PAPPA2: variants seen among roughly 807,000 people sequenced by gnomAD.
PAPPA2 encodes pappalysin-2.
Under a neutral mutation model 176.4 loss-of-function variants are expected in PAPPA2, and 86 were observed. The observed-to-expected ratio is 0.49, with a 90% CI of 0.41 to 0.58. The LOEUF (loss-of-function observed/expected upper bound fraction) is 0.58, where lower values mean the gene tolerates loss of function less well. Among genes scored for constraint, PAPPA2 ranks in the 20% least tolerant of loss-of-function variants. PAPPA2 has a pLI of 0.00. For synonymous variants in PAPPA2, 809 were observed against 852.2 expected, an observed-to-expected ratio of 0.95 and a Z score of 0.88; for missense variants, 2,073 against 2,256.9, an observed-to-expected ratio of 0.92 and a Z score of 1.65.
chr1:176,524,432 A>G (rs995289245), intron 1 of PAPPA2, among the ~76,000 whole-genome samples: 13 of 152,222 alleles, frequency 8.5e-5, no homozygotes, highest in Non-Finnish European at 1.5e-5. Context: ...TTAAATTTTC[A>G]AAGAAAACAG....
At chr1:176,808,567 T>G (rs905397104) in intron 21 of PAPPA2, among the ~76,000 whole-genome samples, 1 of 152,344 alleles carries the variant, frequency 6.6e-6, no homozygotes, top group South Asian at 2.1e-4. Context: ...TATAGTTATT[T>G]TTTTTAAATT....
At chr1:176,636,912 A>G (rs1041088309) in intron 3 of PAPPA2, among the ~76,000 whole-genome samples, 1 of 152,186 alleles carries the variant, frequency 6.6e-6, no homozygotes, top group East Asian at 1.9e-4. Context: ...GGGAATAGAT[A>G]AAATAGAAAT....
chr1:176,771,046 T>A lies in PAPPA2; in HGVS notation c.4581T>A (p.Ala1527=). Residue 1527 remains alanine (A), a synonymous_variant, in exon 17 of 23, where the codon GCT becomes GCA. Transcript: ENST00000367662. ...PEVYCKLECD[A]PPIILNANLL... is the part of the protein sequence containing the mutation. ...TCTACTGCAAGTTGGAGTGTGATGC[T>A]CCCCCTATTATTCTGAATGCCAACT... 1 of 1,613,990 alleles carries A rather than the reference T, an allele frequency of 6.2e-7. No homozygotes were observed. The highest frequency in any genetic ancestry group is 8.5e-7 in the Non-Finnish European group (1 of 1,179,992).
chr1:176,593,661 T>C (rs1653788520), intron 2 of PAPPA2, among the ~76,000 whole-genome samples: 2 of 152,206 alleles, frequency 1.3e-5, no homozygotes, highest in South Asian at 4.1e-4. Flanking sequence ...GATCTAGCTG[T>C]TTATGGGTGT....
chr1:176,485,577 T>TA (rs1489069934), intron 1 of PAPPA2, among the ~76,000 whole-genome samples: 1 of 152,146 alleles, frequency 6.6e-6, no homozygotes, highest in African/African-American at 2.4e-5. Flanking sequence ...TCATAGCACT[T>TA]ACCACTCCTG....
chr1:176,712,784 C>T (rs755795820), intron 12 of PAPPA2, among the ~76,000 whole-genome samples: 10 of 152,172 alleles, frequency 6.6e-5, no homozygotes, highest in African/African-American at 9.7e-5. Context: ...CTAATGTATA[C>T]TCCCACCAGA....
chr1:176,647,338 A>C (rs894810788), intron 3 of PAPPA2, among the ~76,000 whole-genome samples: 32 of 151,724 alleles, frequency 2.1e-4, no homozygotes, highest in African/African-American at 7.7e-4. Flanking sequence ...GTAGTTTGCA[A>C]ATATTTTCTC....
At chr1:176,481,379 C>T (rs1437321745) in intron 1 of PAPPA2, among the ~76,000 whole-genome samples, 2 of 151,722 alleles carry the variant, frequency 1.3e-5, no homozygotes, top group Admixed American at 6.6e-5. Context: ...TGGAGTGATG[C>T]CGTGTGGCAG....
chr1:176,734,497 T>TA (rs1481376845), intron 12 of PAPPA2, among the ~76,000 whole-genome samples: 2 of 152,044 alleles, frequency 1.3e-5, no homozygotes, highest in East Asian at 3.9e-4. Flanking sequence ...GTTTTAGCCA[T>TA]ACAAAGGTGG....
At chr1:176,606,416 G>A (rs1654614557) in intron 3 of PAPPA2, among the ~76,000 whole-genome samples, 2 of 152,102 alleles carry the variant, frequency 1.3e-5, no homozygotes, top group Non-Finnish European at 2.9e-5. Context: ...ATGAGGGCAA[G>A]GAAAGGAAAA....
chr1:176,788,130 G>A (rs573885121), intron 17 of PAPPA2, among the ~76,000 whole-genome samples: 6 of 152,200 alleles, frequency 3.9e-5, no homozygotes, highest in East Asian at 3.9e-4. Context: ...TGGTGTTATC[G>A]AATGTGCCTT....
rs1291242976 is a variant in PAPPA2, at chr1:176,554,944, T to A, written c.-916-463T>A. 3.3e-5 allele frequency among the ~76,000 whole-genome samples: 5 copies of A among 151,690 alleles called. No individual in the cohort carries two copies. In the East Asian group the frequency reaches 7.7e-4, roughly 23 times the overall value. ...CCCTAAAAGGTTAGTGTGGGCTTATTAGGCAGTAGGTAGATCTGTTCACAG... is the reference window on the plus strand; with the variant it reads ...CCCTAAAAGGTTAGTGTGGGCTTATAAGGCAGTAGGTAGATCTGTTCACAG... On this transcript the variant is annotated intron_variant, in intron 1 of 22. Transcript: ENST00000367662.
At chr1:176,691,369 G>A (rs1159564724) in intron 5 of PAPPA2, among the ~76,000 whole-genome samples, 1 of 152,218 alleles carries the variant, frequency 6.6e-6, no homozygotes, top group Non-Finnish European at 1.5e-5. Flanking sequence ...TTCAAGATGT[G>A]TCTATCTGAG....
At chr1:176,735,449 A>G (rs1011859902) in intron 12 of PAPPA2, among the ~76,000 whole-genome samples, 2 of 152,112 alleles carry the variant, frequency 1.3e-5, no homozygotes, top group Admixed American at 6.6e-5. Flanking sequence ...GAGCGCCACA[A>G]AGGATGACCT....
chr1:176,522,977 C>T (rs1379920084), intron 1 of PAPPA2, among the ~76,000 whole-genome samples: 1 of 152,102 alleles, frequency 6.6e-6, no homozygotes, highest in African/African-American at 2.4e-5. Context: ...GAAGGATCCA[C>T]TTTTATTGTG....
intron 1 of PAPPA2, among the ~76,000 whole-genome samples, chr1:176,523,159 A>G (rs376467651): frequency 6.6e-6 from 1 of 152,140 alleles, no homozygotes; most frequent in South Asian, 2.1e-4. Flanking sequence ...TTGGTGAGCT[A>G]TTGAGTAGGC....
At chr1:176,626,975 G>A (rs963719168) in intron 3 of PAPPA2, among the ~76,000 whole-genome samples, 3 of 147,102 alleles carry the variant, frequency 2.0e-5, no homozygotes, top group Non-Finnish European at 3.0e-5. Flanking sequence ...CTCCCACCTC[G>A]GCCTCTTAAA....
intron 5 of PAPPA2, chr1:176,691,044 G>A (rs989820975): frequency 1.1e-5 from 11 of 985,116 alleles, no homozygotes; most frequent in South Asian, 9.4e-5. Flanking sequence ...CCTGGCCCTC[G>A]GAAAAACTTG....
At chr1:176,605,785 C>G (rs535661066) in intron 3 of PAPPA2, among the ~76,000 whole-genome samples, 1 of 152,324 alleles carries the variant, frequency 6.6e-6, no homozygotes, top group South Asian at 2.1e-4. Context: ...CTCCTCAGAG[C>G]TCCAGGTCTG....
Sources: gnomAD v4.1 joint callset for allele counts (sites outside exome capture counted in the v4.1 genomes callset) on GRCh38, gnomAD v4.1.1 for gene constraint, MANE v1.5 for transcripts, NCBI Gene and HGNC (gene_info 2026-07-23, HGNC 2026-07-21) for gene names.